The following CTNND2 variants were observed in gnomAD, a reference collection of about 807,000 sequenced individuals.
CTNND2 encodes the protein catenin delta-2.
CTNND2 carries 22 observed loss-of-function variants against 144.4 expected under a neutral mutation model. That is an observed-to-expected ratio of 0.15 (90% CI 0.11 to 0.22). CTNND2 has a LOEUF of 0.22. Ranked by LOEUF, CTNND2 falls within the 10% of genes least tolerant of loss-of-function variation. The probability of loss-of-function intolerance (pLI) is 1.00; values close to 1 mark genes in which losing one functional copy is unlikely to be tolerated. For synonymous variants in CTNND2, 751 were observed against 695.6 expected (o/e 1.08, Z -1.25); for missense variants, 1,353 against 1,618.8 (o/e 0.84, Z 2.82).
chr5:11,018,942 C>T (rs1400876222), intron 17 of CTNND2, among the ~76,000 whole-genome samples: 2 of 151,950 alleles, frequency 1.3e-5, no homozygotes, highest in Non-Finnish European at 2.9e-5. Flanking sequence ...CTCCTGACCT[C>T]GTGATCCACC....
intron 12 of CTNND2, among the ~76,000 whole-genome samples, chr5:11,130,206 C>T (rs974270651): frequency 6.6e-6 from 1 of 152,048 alleles, no homozygotes; most frequent in African/African-American, 2.4e-5. Flanking sequence ...GGGCTGGCCG[C>T]GAACACCACT....
intron 1 of CTNND2, among the ~76,000 whole-genome samples, chr5:11,756,196 C>G (rs1788927706): frequency 2.0e-5 from 3 of 151,474 alleles, no homozygotes; most frequent in Admixed American, 2.0e-4. Flanking sequence ...AGGCTGCAAG[C>G]ACTACAAAAT....
Position 11,384,455 on chromosome 5 carries a change from A to G in CTNND2, c.1177+210T>C. On this transcript the variant is annotated intron_variant, in intron 7 of 21. Coordinates refer to ENST00000304623, the MANE Select transcript of CTNND2 (RefSeq NM_001332.4). The surrounding 1 kb of genome is among the most constrained non-coding windows in gnomAD (Gnocchi z 5.2). ...AGTGATATAGGTGTTAGAGATTGAG[A>G]CACCACATTACTCCGGAAAAGAAGT... 1.7e-6 allele frequency: 1 copy of G among 585,098 alleles called. No homozygotes were observed. The highest frequency in any genetic ancestry group is 2.8e-5 in the East Asian group (1 of 35,364). 36.2% of individuals were successfully genotyped at this position (585,098 alleles called of 1,614,324 possible).
intron 3 of CTNND2, among the ~76,000 whole-genome samples, chr5:11,472,472 CTAAT>C (rs1156778167): frequency 2.0e-5 from 3 of 152,124 alleles, no homozygotes; most frequent in African/African-American, 7.2e-5. Context: ...TGCCTCATCC[CTAAT>C]TAATTGCCTT....
intron 10 of CTNND2, among the ~76,000 whole-genome samples, chr5:11,215,458 A>T (rs1251281529): frequency 6.6e-6 from 1 of 152,252 alleles, no homozygotes. Flanking sequence ...TTAGCTAATT[A>T]TAGATATGCA....
intron 9 of CTNND2, among the ~76,000 whole-genome samples, chr5:11,328,975 G>C (rs1045282949): frequency 6.6e-6 from 1 of 152,190 alleles, no homozygotes; most frequent in African/African-American, 2.4e-5. Context: ...CAAGATCCAA[G>C]TCCTGGCAGC....
intron 21 of CTNND2, among the ~76,000 whole-genome samples, chr5:10,975,672 G>T (rs1162843209): frequency 6.6e-6 from 1 of 152,226 alleles, no homozygotes; most frequent in Admixed American, 6.5e-5. Context: ...TGGAGGACAG[G>T]CCTCAAGGAG....
chr5:11,774,909 A>G (rs57478088), intron 1 of CTNND2, among the ~76,000 whole-genome samples: 14,511 of 152,174 alleles, frequency 0.095, 1,864 homozygotes, highest in African/African-American at 0.29. Context: ...CTAACTACAT[A>G]CAACACCGTT....
In CTNND2 at chr5:11,220,004, C is replaced by T. The variant is rs114753029; in HGVS notation, c.1761+16687G>A. Among the ~76,000 whole-genome samples the T allele has an allele frequency of 7.2e-4, 109 of 152,262 alleles. 1 individual carries two copies. Among genetic ancestry groups the T allele is most frequent in the African/African-American group, 2.5e-3 (105 of 41,552 alleles). ...AAACAGCTCCATCTTGAAAGGGGAG[C>T]TCTGTAAGACAACTGAAGGGAAGCG... On this transcript the variant is annotated intron_variant, in intron 10 of 21. Transcript: ENST00000304623.
At chr5:11,044,157 T>C (rs1047701319) in intron 16 of CTNND2, among the ~76,000 whole-genome samples, 3 of 152,064 alleles carry the variant, frequency 2.0e-5, no homozygotes, top group Middle Eastern at 3.4e-3. Flanking sequence ...TGACAGGAGG[T>C]CCTTTCCCTT....
chr5:11,687,328 A>C (rs1784701406), intron 2 of CTNND2, among the ~76,000 whole-genome samples: 1 of 152,214 alleles, frequency 6.6e-6, no homozygotes, highest in Non-Finnish European at 1.5e-5. Flanking sequence ...CCTCCTGCCC[A>C]CCTCACTGGC....
At chr5:11,610,505 A>G (rs1428703641) in intron 2 of CTNND2, among the ~76,000 whole-genome samples, 3 of 152,192 alleles carry the variant, frequency 2.0e-5, no homozygotes, top group Non-Finnish European at 4.4e-5. Context: ...ATAAATTACT[A>G]TGTTTTAATG....
intron 3 of CTNND2, among the ~76,000 whole-genome samples, chr5:11,440,093 T>C (rs1191782325): frequency 6.6e-6 from 1 of 152,186 alleles, no homozygotes; most frequent in East Asian, 1.9e-4. Context: ...GTCCCCTCCC[T>C]GTAATTAACA....
chr5:11,662,333 C>A (rs1783314590), intron 2 of CTNND2, among the ~76,000 whole-genome samples: 1 of 150,484 alleles, frequency 6.6e-6, no homozygotes, highest in African/African-American at 2.4e-5. Context: ...TTAACTCACA[C>A]AATCACGATC....
chr5:11,242,062 T>C (rs973975595), intron 9 of CTNND2, among the ~76,000 whole-genome samples: 1 of 152,010 alleles, frequency 6.6e-6, no homozygotes, highest in Non-Finnish European at 1.5e-5. Flanking sequence ...GAAAGCAAGT[T>C]TGAGATGAGA....
intron 1 of CTNND2, among the ~76,000 whole-genome samples, chr5:11,772,541 A>G (rs941229551): frequency 2.0e-5 from 3 of 152,208 alleles, no homozygotes; most frequent in Admixed American, 6.5e-5. Flanking sequence ...AAATTCTCAA[A>G]CAGGTGTGTG....
intron 9 of CTNND2, among the ~76,000 whole-genome samples, chr5:11,271,944 C>A (rs761405042): frequency 1.3e-5 from 2 of 151,760 alleles, no homozygotes; most frequent in Non-Finnish European, 2.9e-5. Flanking sequence ...GGGAATTGTA[C>A]AAATGAAAAT....
intron 3 of CTNND2, among the ~76,000 whole-genome samples, chr5:11,560,940 G>A (rs888611613): frequency 6.6e-6 from 1 of 152,180 alleles, no homozygotes; most frequent in African/African-American, 2.4e-5. Flanking sequence ...AATACAGACA[G>A]AGGGATGAGT....
intron 9 of CTNND2, among the ~76,000 whole-genome samples, chr5:11,328,839 T>C (rs1403277182): frequency 6.6e-6 from 1 of 152,252 alleles, no homozygotes; most frequent in Non-Finnish European, 1.5e-5. Context: ...TGTTTCATAC[T>C]GGACACCCAC....
Sources: gnomAD v4.1 joint callset for allele counts (sites outside exome capture counted in the v4.1 genomes callset) on GRCh38, gnomAD v4.1.1 for gene constraint, Gnocchi (gnomAD v3.1) non-coding constraint, MANE v1.5 for transcripts, NCBI Gene and HGNC (gene_info 2026-07-23, HGNC 2026-07-21) for gene names.